Variants in RBFOX1 observed in about 807,000 individuals in gnomAD.
RBFOX1 encodes the protein RNA binding fox-1 homolog 1, also known as RNA binding protein fox-1 homolog 1.
In RBFOX1, 8 loss-of-function variants were observed where a neutral mutation model predicts 57.7. The ratio of observed to expected loss-of-function variants is 0.14; its 90% CI spans 0.08 to 0.25. The LOEUF (loss-of-function observed/expected upper bound fraction) is 0.25. Ranked by LOEUF, RBFOX1 falls within the 10% of genes least tolerant of loss-of-function variation. RBFOX1 has a pLI of 1.00. For synonymous variants in RBFOX1, 326 were observed against 222.4 expected (o/e 1.47, Z -4.15); for missense variants, 611 against 548.5 (o/e 1.11, Z -1.14).
At chr16:6,003,004 G>A (rs1223685162) in intron 4 of RBFOX1, among the ~76,000 whole-genome samples, 1 of 152,166 alleles carries the variant, frequency 6.6e-6, no homozygotes, top group African/African-American at 2.4e-5. Context: ...GGAAGACTGG[G>A]CGTGGTGGCT....
intron 4 of RBFOX1, among the ~76,000 whole-genome samples, chr16:7,252,695 CTT>C (rs541617900): frequency 1.9e-4 from 27 of 141,350 alleles, no homozygotes; most frequent in Non-Finnish European, 2.0e-4. Flanking sequence ...CATTTACATC[CTT>C]TTTTTTTTTT....
chr16:6,895,448 G>GTGTGTATA (rs869028735), intron 3 of RBFOX1, among the ~76,000 whole-genome samples: 92 of 54,580 alleles, frequency 1.7e-3, no homozygotes, highest in Non-Finnish European at 2.4e-3. Context: ...GTGTGTGTGT[G>GTGTGTATA]TATATATATA....
intron 1 of RBFOX1, among the ~76,000 whole-genome samples, chr16:6,166,843 G>C (rs1042275698): frequency 6.6e-6 from 1 of 151,900 alleles, no homozygotes; most frequent in Non-Finnish European, 1.5e-5. Flanking sequence ...CCTCCATTTC[G>C]GCTCACTGCA....
At chr16:6,017,827 C>T (rs1235544942), upstream of RBFOX1, among the ~76,000 whole-genome samples, 1 of 152,150 alleles carries the variant, frequency 6.6e-6, no homozygotes, top group Non-Finnish European at 1.5e-5. Context: ...ACATCTAGTA[C>T]AAAGGAATGC....
At chr16:5,390,657 T>C (rs556425413) in intron 1 of RBFOX1, among the ~76,000 whole-genome samples, 2 of 152,108 alleles carry the variant, frequency 1.3e-5, no homozygotes, top group African/African-American at 2.4e-5. Flanking sequence ...CGAATCTCCC[T>C]CATCTTTGAA....
At chr16:6,278,000 C>T (rs1261673654) in intron 1 of RBFOX1, among the ~76,000 whole-genome samples, 2 of 152,076 alleles carry the variant, frequency 1.3e-5, no homozygotes, top group Non-Finnish European at 2.9e-5. Flanking sequence ...TCCGCTTCTC[C>T]TTGAGCTGAA....
intron 3 of RBFOX1, among the ~76,000 whole-genome samples, chr16:7,016,574 A>G (rs2093925743): frequency 6.6e-6 from 1 of 152,138 alleles, no homozygotes; most frequent in African/African-American, 2.4e-5. Flanking sequence ...ATCTCACGTA[A>G]TTCCTCCAGC....
chr16:6,708,279 C>T lies in RBFOX1; in HGVS notation c.-16+53629C>T, dbSNP rs9930678. On this transcript the variant is annotated intron_variant, in intron 3 of 15. Transcript: ENST00000550418. ...TGTGTGGGCTAGGATAGTCCCAAAG[C>T]ATTTTTGAACACACACACACACACA... 6.4e-3 allele frequency among the ~76,000 whole-genome samples: 530 copies of T among 82,268 alleles called. 5 individuals carry two copies. Among genetic ancestry groups the T allele is most frequent in the African/African-American group, 0.016 (507 of 31,646 alleles). 54.0% of individuals were successfully genotyped at this position (82,268 alleles called of 152,430 possible). A position where few individuals can be genotyped will look rare whatever the true frequency, so the allele number is the denominator to read the frequency against.
intron 5 of RBFOX1, among the ~76,000 whole-genome samples, chr16:7,533,175 C>T (rs894019742): frequency 1.3e-5 from 2 of 152,160 alleles, no homozygotes; most frequent in Admixed American, 6.5e-5. Context: ...GAGTATGATA[C>T]TCTTTCAGGT....
chr16:7,160,047 T>G (rs1483398331), intron 4 of RBFOX1, among the ~76,000 whole-genome samples: 1 of 152,216 alleles, frequency 6.6e-6, no homozygotes, highest in Non-Finnish European at 1.5e-5. Flanking sequence ...TGTGTCAGTG[T>G]GCCTGTTGCT....
rs1325181517 is a variant in RBFOX1, at chr16:5,367,416, A to G, written c.220-99800A>G. Among the ~76,000 whole-genome samples the G allele has an allele frequency of 4.6e-5, 7 of 152,256 alleles. No homozygotes were observed. The East Asian group carries it at 1.4e-3, about 30-fold the overall frequency. ...TGAATAAGGGACCCACTGATGTGGG[A>G]GGGAACTGTCTCTCCAAGCTGCAGG... On this transcript the variant is annotated intron_variant, in intron 1 of 2. Transcript: ENST00000585867.
At chr16:6,997,178 C>T (rs747360323) in intron 3 of RBFOX1, among the ~76,000 whole-genome samples, 1 of 152,030 alleles carries the variant, frequency 6.6e-6, no homozygotes, top group African/African-American at 2.4e-5. Flanking sequence ...AGAGAATTAT[C>T]TTAGCATTTT....
chr16:7,423,689 C>T (rs2098571111), intron 4 of RBFOX1, among the ~76,000 whole-genome samples: 1 of 152,172 alleles, frequency 6.6e-6, no homozygotes, highest in African/African-American at 2.4e-5. Context: ...TTCTGATTCG[C>T]TGACCTGCCC....
At chr16:7,219,812 G>A (rs1004337572) in intron 4 of RBFOX1, among the ~76,000 whole-genome samples, 9 of 152,290 alleles carry the variant, frequency 5.9e-5, no homozygotes, top group East Asian at 5.8e-4. Context: ...TGATATGAAA[G>A]CATGACCTTC....
intron 4 of RBFOX1, among the ~76,000 whole-genome samples, chr16:7,450,494 A>G (rs1014200210): frequency 2.6e-5 from 4 of 151,832 alleles, no homozygotes; most frequent in Admixed American, 2.6e-4. Context: ...GTTAACTCGT[A>G]AGGATTTGAA....
chr16:6,675,690 C>T (rs115102083), intron 3 of RBFOX1, among the ~76,000 whole-genome samples: 26 of 152,248 alleles, frequency 1.7e-4, no homozygotes, highest in East Asian at 5.8e-4. Context: ...TGTTACATGG[C>T]GGCAGGCAAG....
intron 4 of RBFOX1, among the ~76,000 whole-genome samples, chr16:5,912,857 G>T: frequency 6.6e-6 from 1 of 152,292 alleles, no homozygotes; most frequent in Middle Eastern, 3.4e-3. Flanking sequence ...GTATAACGAA[G>T]GGATGGGTCC....
At chr16:6,880,285 T>C (rs2062670297) in intron 3 of RBFOX1, among the ~76,000 whole-genome samples, 2 of 152,004 alleles carry the variant, frequency 1.3e-5, no homozygotes, top group Non-Finnish European at 2.9e-5. Context: ...AAATGAGACA[T>C]AAGGTTGGCT....
chr16:6,926,768 T>C (rs1455923636), intron 3 of RBFOX1, among the ~76,000 whole-genome samples: 2 of 152,202 alleles, frequency 1.3e-5, no homozygotes, highest in Non-Finnish European at 2.9e-5. Flanking sequence ...AACTTTTAAA[T>C]GCTTCTGCTG....
Sources: gnomAD v4.1 joint callset for allele counts (sites outside exome capture counted in the v4.1 genomes callset) on GRCh38, gnomAD v4.1.1 for gene constraint, MANE v1.5 for transcripts, NCBI Gene and HGNC (gene_info 2026-07-23, HGNC 2026-07-21) for gene names.